Variants in HPS4 observed in about 807,000 individuals in gnomAD.
HPS4 encodes HPS4 biogenesis of lysosomal organelles complex 3 subunit 2.
In HPS4, 44 loss-of-function variants were observed where a neutral mutation model predicts 70.3. That is an observed-to-expected ratio of 0.63 (90% CI 0.49 to 0.80). HPS4 has a LOEUF of 0.80. Among genes scored for constraint, HPS4 ranks in the 30% least tolerant of loss-of-function variants. HPS4 has a pLI of 0.00. For missense variants in HPS4, 873 were observed against 884.4 expected (o/e 0.99, Z 0.16); for synonymous variants, 377 against 355.9 (o/e 1.06, Z -0.67).
chr22:26,458,307 G>C (rs2086562125), intron 12 of HPS4, 138 bp downstream of exon 12: 2 of 1,060,586 alleles, frequency 1.9e-6, no homozygotes, highest in Admixed American at 1.8e-5. Context: ...TGGGCTCCCG[G>C]TGAGAAGAGA....
downstream of HPS4, among the ~76,000 whole-genome samples, chr22:26,446,851 G>A (rs140803748): frequency 8.3e-4 from 126 of 152,228 alleles, 1 homozygote; most frequent in African/African-American, 2.8e-3. Context: ...CCTCAGCCTC[G>A]TGACTAGCTG....
rs553356116 is a variant in HPS4, at chr22:26,470,413, C to T, written c.596+306G>A. On this transcript the variant is annotated intron_variant, in intron 7 of 13. Coordinates refer to ENST00000398145, the MANE Select transcript of HPS4 (RefSeq NM_022081.6). ...TGACTACAGTGCTGGCTGCTGGCAACGCTCGGGACTCTGCATTAGCATTTT... is the reference window on the plus strand; with the variant it reads ...TGACTACAGTGCTGGCTGCTGGCAATGCTCGGGACTCTGCATTAGCATTTT... Among the ~76,000 whole-genome samples, 39 of 152,340 alleles carry T rather than the reference C, an allele frequency of 2.6e-4. No individual in the cohort carries two copies. In the South Asian group the frequency reaches 6.0e-3, roughly 23 times the overall value.
Position 26,464,046 on chromosome 22 carries a change from C to T in HPS4, c.1584G>A (p.Arg528=), listed in dbSNP as rs752086428. The part of the protein sequence containing the change: ...AGPSADGISS[R]LTPAESCMGL... ...CCATGCAGGACTCTGCTGGTGTCAGCCTGGAGCTGATTCCATCTGCAGAGG... is the reference window on the plus strand; with the variant it reads ...CCATGCAGGACTCTGCTGGTGTCAGTCTGGAGCTGATTCCATCTGCAGAGG... The change falls in exon 11 of 14, where the codon AGG becomes AGA. Residue 528 remains arginine, a synonymous_variant. Coordinates refer to ENST00000398145, the MANE Select transcript of HPS4 (RefSeq NM_022081.6). The T allele has an allele frequency of 1.2e-6, 2 of 1,614,260 alleles. No individual in the cohort carries two copies. Among genetic ancestry groups the T allele is most frequent in the East Asian group, 4.5e-5 (2 of 44,880 alleles).
intron 2 of HPS4, 71 bp from the exon 3 acceptor site, chr22:26,479,426 T>G (rs775907413): frequency 6.3e-7 from 1 of 1,582,192 alleles, no homozygotes; most frequent in South Asian, 1.1e-5. Context: ...CACAGCTTCC[T>G]GTTTCCCAGC....
At chr22:26,449,158 G>A (rs922199057), downstream of HPS4, among the ~76,000 whole-genome samples, 1 of 151,944 alleles carries the variant, frequency 6.6e-6, no homozygotes, top group African/African-American at 2.4e-5. Context: ...CCTCATCAGT[G>A]CCCAGGCTCG....
downstream of HPS4, chr22:26,443,683 TGGCACACTGG>T (rs946771367): frequency 6.6e-6 from 1 of 151,250 alleles, no homozygotes; most frequent in African/African-American, 2.4e-5. Flanking sequence ...CCTCTGATGC[TGGCACACTGG>T]GGACCCTTCA....
intron 3 of HPS4, among the ~76,000 whole-genome samples, chr22:26,478,295 G>T (rs572419323): frequency 2.0e-5 from 3 of 152,052 alleles, no homozygotes; most frequent in African/African-American, 7.2e-5. Flanking sequence ...AAGTATTGCC[G>T]GGCGTGGTGG....
chr22:26,482,284 G>C (rs1602142749), intron 1 of HPS4, 44 bp from the exon 2 acceptor site: 1 of 164,262 alleles, frequency 6.1e-6, no homozygotes, highest in Admixed American at 5.8e-5. Flanking sequence ...ACTCGTGAGA[G>C]AGCATGTGAC....
rs182340733 is a variant in HPS4 at position 26,480,241 on chromosome 22, G to A, written c.42-886C>T. On this transcript the variant is annotated intron_variant, in intron 2 of 13. Transcript: ENST00000398145. Reference sequence around the variant, plus strand: ...GGCTGGAGTGCAGTGGTGCGATTGCGGTTCAGTGCAAACTCAATCTCCCAG... The same window carrying A: ...GGCTGGAGTGCAGTGGTGCGATTGCAGTTCAGTGCAAACTCAATCTCCCAG... 1.1e-4 allele frequency among the ~76,000 whole-genome samples: 17 copies of A among 152,252 alleles called. No homozygotes were observed. In the East Asian group the frequency reaches 2.7e-3, roughly 24 times the overall value.
downstream of HPS4, among the ~76,000 whole-genome samples, chr22:26,446,845 A>G (rs951374520): frequency 1.3e-5 from 2 of 152,122 alleles, no homozygotes; most frequent in African/African-American, 2.4e-5. Context: ...CTCCTGCCTC[A>G]GCCTCGTGAC....
At chr22:26,469,258 G>A (rs1457947344) in intron 7 of HPS4, among the ~76,000 whole-genome samples, 3 of 117,282 alleles carry the variant, frequency 2.6e-5, no homozygotes, top group African/African-American at 3.3e-5. Flanking sequence ...ACCTCCATGA[G>A]CAACATAGTG....
Position 26,481,654 on chromosome 22 carries a change from T to C in HPS4, c.41+68A>G, listed in dbSNP as rs906430021. ...ATTAACACAATCTGGCTGGGGATTT[T>C]CAATTAACCCCAAAACTCTAACCAA... On this transcript the variant is annotated intron_variant, in intron 2 of 13. Transcript: ENST00000398145. 3 of 1,441,242 alleles carry C rather than the reference T, an allele frequency of 2.1e-6. No individual in the cohort carries two copies. In the African/African-American group the frequency reaches 4.2e-5, roughly 20 times the overall value. 89.3% of individuals were successfully genotyped at this position (1,441,242 alleles called of 1,614,324 possible). A position where few individuals can be genotyped will look rare whatever the true frequency, so the allele number is the denominator to read the frequency against.
At chr22:26,448,808 C>A (rs1012419041), downstream of HPS4, among the ~76,000 whole-genome samples, 3 of 152,188 alleles carry the variant, frequency 2.0e-5, no homozygotes, top group Admixed American at 6.5e-5. Context: ...GCTTCTCAAA[C>A]TCAACAAATA....
At chr22:26,446,371 ACTGAGTG>A (rs1323925367), downstream of HPS4, among the ~76,000 whole-genome samples, 1 of 150,956 alleles carries the variant, frequency 6.6e-6, no homozygotes, top group Non-Finnish European at 1.5e-5. Context: ...AACTTGTAAC[ACTGAGTG>A]CTCCGTAGCA....
At position 26,464,454 on chromosome 22, in the gene HPS4, C is replaced by G; in HGVS notation, c.1176G>C (p.Val392=). 4.3e-6 allele frequency: 7 copies of G among 1,614,142 alleles called. No homozygotes were observed. Among genetic ancestry groups the G allele is most frequent in the Non-Finnish European group, 5.9e-6 (7 of 1,180,032 alleles). The change falls in exon 11 of 14, where the codon GTG becomes GTC. Residue 392 remains valine (V), a synonymous_variant. Coordinates refer to ENST00000398145, the MANE Select transcript of HPS4 (RefSeq NM_022081.6). ...MASGHFAFLH[V]PVPDGRAPYC... ...AAGGAGCCCTGCCATCTGGAACAGG[C>G]ACATGTAGGAAGGCAAAATGACCTG...
rs756040543 is a variant in HPS4 at position 26,479,368 on chromosome 22, C to A, written c.42-13G>T. 2 of 1,613,536 alleles carry A rather than the reference C, an allele frequency of 1.2e-6. No homozygotes were observed. The highest frequency in any genetic ancestry group is 1.7e-6 in the Non-Finnish European group (2 of 1,179,704). On this transcript the variant is annotated splice_polypyrimidine_tract_variant and intron_variant, in intron 2 of 13. Transcript: ENST00000398145. Reference sequence around the variant, plus strand: ...AAAATAATTCCACCTGGCAAGAGAACAGAGTGGAGCCATGTTTCCTTTAAT... The same window carrying A: ...AAAATAATTCCACCTGGCAAGAGAAAAGAGTGGAGCCATGTTTCCTTTAAT...
intron 3 of HPS4, among the ~76,000 whole-genome samples, chr22:26,478,570 C>A (rs370901544): frequency 0.034 from 3,803 of 110,918 alleles, no homozygotes; most frequent in African/African-American, 0.04. Context: ...GCCTCCATCA[C>A]AAAAAAAAAA....
At chr22:26,474,229 C>T (rs1376483689) in intron 4 of HPS4, among the ~76,000 whole-genome samples, 1 of 152,208 alleles carries the variant, frequency 6.6e-6, no homozygotes, top group Admixed American at 6.5e-5. Context: ...ACAGAATCTT[C>T]AAACAGATCT....
At chr22:26,481,683 C>T (rs751264994) in intron 2 of HPS4, 39 bp downstream of exon 2, 23 of 1,601,782 alleles carry the variant, frequency 1.4e-5, no homozygotes, top group Non-Finnish European at 1.9e-5. Flanking sequence ...TAACCAACAG[C>T]CCAGCAAAAG....
Sources: gnomAD v4.1 joint callset for allele counts (sites outside exome capture counted in the v4.1 genomes callset) on GRCh38, gnomAD v4.1.1 for gene constraint, MANE v1.5 for transcripts, NCBI Gene and HGNC (gene_info 2026-07-23, HGNC 2026-07-21) for gene names.